Variants in LAMA2 observed in about 807,000 individuals in gnomAD.
The protein encoded by LAMA2 is laminin subunit alpha 2.
Under a neutral mutation model 364.8 loss-of-function variants are expected in LAMA2, and 269 were observed. The ratio of observed to expected loss-of-function variants is 0.74; its 90% CI spans 0.67 to 0.82. The LOEUF is 0.82. Among genes scored for constraint, LAMA2 ranks in the 40% least tolerant of loss-of-function variants. The pLI, the probability that LAMA2 is intolerant of heterozygous loss-of-function variation, is 0.00. For missense variants in LAMA2, 3,807 were observed against 3,873.2 expected, an observed-to-expected ratio of 0.98 and a Z score of 0.45; for synonymous variants, 1,379 against 1,370.6, an observed-to-expected ratio of 1.01 and a Z score of -0.14.
At chr6:129,065,568 C>A (rs1010455100) in intron 3 of LAMA2, among the ~76,000 whole-genome samples, 1 of 151,968 alleles carries the variant, frequency 6.6e-6, no homozygotes, top group Non-Finnish European at 1.5e-5. Flanking sequence ...TAGCAGGATA[C>A]AAAATCAATA....
At chr6:129,071,319 G>A (rs1773294482) in intron 3 of LAMA2, among the ~76,000 whole-genome samples, 1 of 151,830 alleles carries the variant, frequency 6.6e-6, no homozygotes, top group African/African-American at 2.4e-5. Context: ...AGCTTTAATA[G>A]GTCTTCATAA....
At chr6:129,133,083 T>G (rs1363866583) in intron 4 of LAMA2, among the ~76,000 whole-genome samples, 2 of 152,156 alleles carry the variant, frequency 1.3e-5, no homozygotes, top group African/African-American at 4.8e-5. Flanking sequence ...AGCATATACA[T>G]ACAAACATCC....
chr6:129,435,189 A>T (rs1050259546), intron 41 of LAMA2, among the ~76,000 whole-genome samples: 1 of 152,160 alleles, frequency 6.6e-6, no homozygotes, highest in Non-Finnish European at 1.5e-5. Context: ...CCATACATGA[A>T]TATCTTGCTT....
chr6:129,076,829 T>G (rs1270739380), intron 3 of LAMA2, among the ~76,000 whole-genome samples: 5 of 152,136 alleles, frequency 3.3e-5, no homozygotes, highest in Non-Finnish European at 2.9e-5. Context: ...TTGAGTCAAA[T>G]TTTCTGTAGG....
chr6:129,465,411 T>G (rs1048110283), intron 51 of LAMA2, 122 bp downstream of exon 51: 1 of 852,430 alleles, frequency 1.2e-6, no homozygotes, highest in Non-Finnish European at 1.9e-6. Flanking sequence ...AGTGAAAAAT[T>G]TATACAGTCA....
At chr6:129,364,729 T>C (rs997199786) in intron 32 of LAMA2, among the ~76,000 whole-genome samples, 2 of 152,180 alleles carry the variant, frequency 1.3e-5, no homozygotes, top group Admixed American at 1.3e-4. Context: ...AAAAATATTA[T>C]GGTGAGTGTA....
chr6:129,340,341 A>T lies in LAMA2; in HGVS notation c.4312-2002A>T, dbSNP rs541762502. Among the ~76,000 whole-genome samples, 4 of 152,272 alleles carry T rather than the reference A, an allele frequency of 2.6e-5. No individual in the cohort carries two copies. In the South Asian group the frequency reaches 8.3e-4, roughly 32 times the overall value. Reference sequence around the variant, plus strand: ...AAGGCTTGACCAATTTCAAATATTAATGAGAATGAGCCTGCAAAGGAGGGA... The same window carrying T: ...AAGGCTTGACCAATTTCAAATATTATTGAGAATGAGCCTGCAAAGGAGGGA... On this transcript the variant is annotated intron_variant, in intron 29 of 64. Transcript: ENST00000421865.
intron 1 of LAMA2, among the ~76,000 whole-genome samples, chr6:128,908,801 C>T (rs1777680926): frequency 6.7e-6 from 1 of 149,796 alleles, no homozygotes; most frequent in Non-Finnish European, 1.5e-5. Context: ...CTACACACTG[C>T]TTTGAATGTG....
At chr6:129,114,986 C>T (rs948796108) in intron 4 of LAMA2, among the ~76,000 whole-genome samples, 1 of 151,958 alleles carries the variant, frequency 6.6e-6, no homozygotes, top group Admixed American at 6.6e-5. Context: ...AACAAAATAA[C>T]CTATTATTCT....
At chr6:129,069,544 C>T (rs1454805258) in intron 3 of LAMA2, among the ~76,000 whole-genome samples, 1 of 149,010 alleles carries the variant, frequency 6.7e-6, no homozygotes, top group African/African-American at 2.4e-5. Context: ...ACCCCATGCA[C>T]AGAGAAAATT....
At chr6:129,359,068 A>G (rs1177394485) in intron 32 of LAMA2, among the ~76,000 whole-genome samples, 1 of 151,902 alleles carries the variant, frequency 6.6e-6, no homozygotes, top group Non-Finnish European at 1.5e-5. Context: ...ATATTAAGTG[A>G]GATAATGATG....
intron 21 of LAMA2, 43 bp from the exon 22 acceptor site, chr6:129,300,693 A>G (rs1471942052): frequency 1.2e-6 from 2 of 1,605,922 alleles, no homozygotes; most frequent in Non-Finnish European, 1.7e-6. Flanking sequence ...TCAAATTTTT[A>G]CTATTTTTCC....
At chr6:129,364,404 C>G (rs7764177) in intron 32 of LAMA2, among the ~76,000 whole-genome samples, 1,693 of 152,248 alleles carry the variant, frequency 0.011, 30 homozygotes, top group African/African-American at 0.039. Flanking sequence ...CCTATTCTAA[C>G]ATGTATATAG....
At chr6:129,377,797 C>T (rs2114643410) in intron 34 of LAMA2, among the ~76,000 whole-genome samples, 1 of 152,194 alleles carries the variant, frequency 6.6e-6, no homozygotes, top group African/African-American at 2.4e-5. Context: ...CTGGTCATAT[C>T]CAACCAAGAA....
chr6:129,005,381 C>T (rs2114683333), intron 1 of LAMA2, among the ~76,000 whole-genome samples: 2 of 151,952 alleles, frequency 1.3e-5, no homozygotes, highest in Non-Finnish European at 2.9e-5. Flanking sequence ...ACTCTAATAT[C>T]TCACCCTAGA....
intron 11 of LAMA2, among the ~76,000 whole-genome samples, chr6:129,192,347 A>G (rs535559911): frequency 5.5e-4 from 84 of 152,354 alleles, no homozygotes; most frequent in African/African-American, 2.0e-3. Context: ...TGTTATAACC[A>G]TTGTATGACT....
chr6:129,231,981 C>T (rs142261616), intron 12 of LAMA2, among the ~76,000 whole-genome samples: 2 of 152,162 alleles, frequency 1.3e-5, no homozygotes, highest in African/African-American at 4.8e-5. Context: ...ATATGGAGTT[C>T]CAAATACCTT....
intron 16 of LAMA2, among the ~76,000 whole-genome samples, chr6:129,269,466 C>T (rs190569400): frequency 1.3e-4 from 19 of 150,552 alleles, no homozygotes; most frequent in East Asian, 3.9e-4. Context: ...TTTGATGAAA[C>T]GTGACATTAG....
At chr6:129,132,356 C>T (rs554526724) in intron 4 of LAMA2, among the ~76,000 whole-genome samples, 7 of 152,024 alleles carry the variant, frequency 4.6e-5, no homozygotes, top group East Asian at 1.9e-4. Flanking sequence ...TTAGTAGAGA[C>T]GGGGTTTCAC....
Sources: allele counts gnomAD v4.1 joint callset (sites outside exome capture counted in the v4.1 genomes callset), GRCh38; gene constraint gnomAD v4.1.1; transcripts MANE v1.5; gene names NCBI Gene and HGNC (gene_info 2026-07-23, HGNC 2026-07-21).